The following ZFPM2 variants were observed in gnomAD, a reference collection of about 807,000 sequenced individuals.
ZFPM2 encodes the protein zinc finger protein ZFPM2.
A neutral mutation model predicts 98.6 loss-of-function variants in ZFPM2; 20 were observed. The ratio of observed to expected loss-of-function variants is 0.20; its 90% confidence interval spans 0.14 to 0.29. ZFPM2 has a LOEUF of 0.29. Among genes scored for constraint, ZFPM2 ranks in the 10% least tolerant of loss-of-function variants. ZFPM2 has a pLI of 1.00. For missense variants in ZFPM2, 1,310 were observed against 1,388.6 expected (o/e 0.94, Z 0.90); for synonymous variants, 518 against 502.7 (o/e 1.03, Z -0.41).
At chr8:105,418,553 GA>G (rs1563649605) in intron 1 of ZFPM2, 1 of 511,168 alleles carries the variant, frequency 2.0e-6, no homozygotes. Flanking sequence ...TTTCATTTCA[GA>G]AAAAATTCAA....
chr8:105,649,243 T>C (rs1294356368), intron 5 of ZFPM2, among the ~76,000 whole-genome samples: 1 of 152,236 alleles, frequency 6.6e-6, no homozygotes, highest in Non-Finnish European at 1.5e-5. Context: ...TCCTGAGACT[T>C]TGCTGAAGTT....
chr8:105,361,459 A>G (rs1812860123), intron 1 of ZFPM2, among the ~76,000 whole-genome samples: 1 of 151,206 alleles, frequency 6.6e-6, no homozygotes, highest in Non-Finnish European at 1.5e-5. Context: ...TTTGCTGTGC[A>G]GAAGCTCTTT....
At chr8:105,620,266 G>A (rs183842922) in intron 4 of ZFPM2, among the ~76,000 whole-genome samples, 191 of 152,076 alleles carry the variant, frequency 1.3e-3, no homozygotes, top group East Asian at 2.3e-3. Flanking sequence ...TTTGATTTGC[G>A]TTTCTCTGAT....
Position 105,801,251 on chromosome 8 carries a change from A to G in ZFPM2, c.1169A>G (p.Lys390Arg). Residue 390 changes from lysine to arginine, a missense_variant, in exon 8 of 8, where the codon AAA becomes AGA. Physicochemically the swap from Lys to Arg is conservative, Grantham distance 26. Transcript: ENST00000407775. ...QHQELHVPSG[K>R]LPRESDMEHS... is the part of the protein sequence containing the mutation. The stretch of plus-strand genomic sequence containing the variant: ...CAGGAGCTCCATGTCCCTAGCGGCA[A>G]ACTTCCCAGAGAAAGTGACATGGAA... 4 of 1,613,906 alleles carry G rather than the reference A, an allele frequency of 2.5e-6. No individual in the cohort carries two copies. Among genetic ancestry groups the G allele is most frequent in the Non-Finnish European group, 3.4e-6 (4 of 1,179,858 alleles).
chr8:105,613,832 A>T (rs944169493), intron 4 of ZFPM2, among the ~76,000 whole-genome samples: 2 of 152,166 alleles, frequency 1.3e-5, no homozygotes, highest in Admixed American at 1.3e-4. Context: ...TTGCCCCCCA[A>T]AAAAGGCAAA....
intron 3 of ZFPM2, among the ~76,000 whole-genome samples, chr8:105,455,056 A>G (rs751659062): frequency 2.0e-5 from 3 of 152,208 alleles, no homozygotes; most frequent in Non-Finnish European, 4.4e-5. Context: ...TTCAAAATCC[A>G]AAATGCTGAG....
intron 5 of ZFPM2, among the ~76,000 whole-genome samples, chr8:105,773,172 C>CA (rs2131094694): frequency 6.6e-6 from 1 of 152,208 alleles, no homozygotes; most frequent in African/African-American, 2.4e-5. Flanking sequence ...ATTTTCTTAC[C>CA]AAACCACTGT....
At chr8:105,516,164 G>A (rs1813917555) in intron 3 of ZFPM2, among the ~76,000 whole-genome samples, 1 of 152,014 alleles carries the variant, frequency 6.6e-6, no homozygotes, top group Non-Finnish European at 1.5e-5. Context: ...GACCTCAGGT[G>A]ATCCGCCTGC....
chr8:105,666,662 A>C (rs1817493922), intron 5 of ZFPM2, among the ~76,000 whole-genome samples: 1 of 152,236 alleles, frequency 6.6e-6, no homozygotes, highest in Non-Finnish European at 1.5e-5. Context: ...TAATATTACT[A>C]AGAGGTTTTT....
At chr8:105,773,138 G>T (rs1056207809) in intron 5 of ZFPM2, among the ~76,000 whole-genome samples, 1 of 152,114 alleles carries the variant, frequency 6.6e-6, no homozygotes, top group African/African-American at 2.4e-5. Context: ...AGCGCCATCT[G>T]CTGGTTGTTA....
At chr8:105,502,132 G>A (rs1279892165) in intron 3 of ZFPM2, among the ~76,000 whole-genome samples, 1 of 152,062 alleles carries the variant, frequency 6.6e-6, no homozygotes, top group East Asian at 1.9e-4. Flanking sequence ...AAGTAAGATG[G>A]TTCCTCAAAA....
chr8:105,596,739 C>CTT (rs910632602), intron 4 of ZFPM2, among the ~76,000 whole-genome samples: 72 of 58,944 alleles, frequency 1.2e-3, no homozygotes, highest in African/African-American at 2.2e-3. Flanking sequence ...CCTTTGTCTG[C>CTT]TTTTTTTTTT....
intron 5 of ZFPM2, among the ~76,000 whole-genome samples, chr8:105,714,991 G>A (rs1354266202): frequency 1.3e-5 from 2 of 152,040 alleles, no homozygotes; most frequent in African/African-American, 4.8e-5. Flanking sequence ...TTCTGATGTA[G>A]GTCTTTGGTG....
chr8:105,677,816 C>A (rs190072098), intron 5 of ZFPM2, among the ~76,000 whole-genome samples: 2 of 152,240 alleles, frequency 1.3e-5, no homozygotes, highest in African/African-American at 4.8e-5. Flanking sequence ...AACTGGGAAG[C>A]TTTCCAAATT....
At chr8:105,661,972 T>C (rs1230005340) in intron 5 of ZFPM2, among the ~76,000 whole-genome samples, 2 of 151,616 alleles carry the variant, frequency 1.3e-5, no homozygotes, top group Non-Finnish European at 2.9e-5. Context: ...TCTTTCTCTT[T>C]GTAAGAAAAA....
intron 1 of ZFPM2, among the ~76,000 whole-genome samples, chr8:105,397,541 GT>G (rs1186405957): frequency 6.6e-6 from 1 of 151,966 alleles, no homozygotes; most frequent in Non-Finnish European, 1.5e-5. Flanking sequence ...CCTTTTTATG[GT>G]TGTTTTTTCA....
At chr8:105,534,038 CCCTCCCTTCCTCCCT>C (rs1563704378) in intron 3 of ZFPM2, among the ~76,000 whole-genome samples, 2 of 33,472 alleles carry the variant, frequency 6.0e-5, no homozygotes, top group Non-Finnish European at 5.5e-5. Context: ...CTCCCTCCCT[CCCTCCCTTCCTCCCT>C]TCCTCCCTCC....
intron 1 of ZFPM2, among the ~76,000 whole-genome samples, chr8:105,392,810 A>G (rs987415557): frequency 5.9e-5 from 9 of 152,122 alleles, no homozygotes; most frequent in Admixed American, 5.9e-4. Flanking sequence ...TTTGAACTTC[A>G]TTTCTTAATC....
intron 5 of ZFPM2, among the ~76,000 whole-genome samples, chr8:105,692,713 G>A (rs1479535460): frequency 1.3e-5 from 2 of 152,120 alleles, no homozygotes; most frequent in Non-Finnish European, 2.9e-5. Flanking sequence ...GGAATTTGTT[G>A]TAAACAAACA....
Sources: gnomAD v4.1 joint callset for allele counts (sites outside exome capture counted in the v4.1 genomes callset) on GRCh38, gnomAD v4.1.1 for gene constraint, MANE v1.5 for transcripts, NCBI Gene and HGNC (gene_info 2026-07-23, HGNC 2026-07-21) for gene names.